TERT: variants seen among roughly 807,000 people sequenced by gnomAD.
The protein encoded by TERT is telomerase catalytic subunit.
A neutral mutation model predicts 104.0 loss-of-function variants in TERT; 42 were observed. That is an observed-to-expected ratio of 0.40 (90% CI 0.32 to 0.52). The LOEUF is 0.52. Ranked by LOEUF, TERT falls within the 20% of genes least tolerant of loss-of-function variation. The pLI, the probability that TERT is intolerant of heterozygous loss-of-function variation, is 0.43. For missense variants in TERT, 1,101 were observed against 1,610.3 expected, an observed-to-expected ratio of 0.68 and a Z score of 5.41; for synonymous variants, 781 against 725.6, an observed-to-expected ratio of 1.08 and a Z score of -1.23.
At chr5:1,281,564 C>T (rs1240905801) in intron 3 of TERT, among the ~76,000 whole-genome samples, 1 of 152,236 alleles carries the variant, frequency 6.6e-6, no homozygotes, top group African/African-American at 2.4e-5. Context: ...TGATGCAAAT[C>T]CAGCTTGAAT....
Position 1,295,067 on chromosome 5 carries a change from A to T in TERT, c.-78T>A. 8.7e-6 allele frequency: 5 copies of T among 575,384 alleles called. No homozygotes were observed. Among genetic ancestry groups the T allele is most frequent in the Non-Finnish European group, 1.1e-5 (5 of 468,542 alleles). The allele number at this position is 575,384 out of a possible 1,614,324, so 35.6% of individuals were successfully genotyped here. A position where few individuals can be genotyped will look rare whatever the true frequency, so the allele number is the denominator to read the frequency against. On this transcript the variant is annotated 5_prime_UTR_variant, in exon 1 of 16. Coordinates refer to ENST00000310581, the MANE Select transcript of TERT (RefSeq NM_198253.3). ...TGCCTGAAACTCGCGCCGCGAGGAGAGGGCGGGGCCGCGGAAAGGAAGGGG... is the reference window on the plus strand; with the variant it reads ...TGCCTGAAACTCGCGCCGCGAGGAGTGGGCGGGGCCGCGGAAAGGAAGGGG...
intron 3 of TERT, 77 bp from the exon 4 acceptor site, chr5:1,280,415 C>A: frequency 6.6e-7 from 1 of 1,513,090 alleles, no homozygotes; most frequent in Non-Finnish European, 9.0e-7. Context: ...AGCCACAAGC[C>A]CCCACCGACT....
At position 1,294,089 on chromosome 5, in the gene TERT, C is replaced by T; in HGVS notation, c.797G>A (p.Ser266Asn). The T allele has an allele frequency of 1.3e-6, 2 of 1,590,584 alleles. No homozygotes were observed. The highest frequency in any genetic ancestry group is 8.5e-7 in the Non-Finnish European group (1 of 1,170,956). ...WAHPGRTRGPSDRGFCVVSPA... is the reference protein window; with the variant it reads ...WAHPGRTRGPNDRGFCVVSPA... ...TGACACCACACAGAAACCACGGTCA[C>T]TCGGTCCACGCGTCCTGCCCGGGTG... Residue 266 changes from serine (S) to asparagine (N), a missense_variant, in exon 2 of 16, where the codon AGT (serine) becomes AAT (asparagine). By Grantham distance (46) the Ser-to-Asn change is conservative. Around this residue, in one of 5 missense-constraint regions of TERT, gnomAD observed 504 missense variants for 544.6 expected, o/e 0.93. Transcript: ENST00000310581.
chr5:1,268,473 G>A lies in TERT; in HGVS notation c.2582+47C>T, dbSNP rs1748774691. 6.8e-7 allele frequency: 1 copy of A among 1,466,658 alleles called. No homozygotes were observed. Among genetic ancestry groups the A allele is most frequent in the Non-Finnish European group, 9.5e-7 (1 of 1,051,776 alleles). 90.9% of individuals were successfully genotyped at this position (1,466,658 alleles called of 1,614,324 possible). The stretch of plus-strand genomic sequence containing the variant: ...AATATTAACACTGAATGCATCAAAA[G>A]CAAATCAACCCCCACCCAAGCCCCC... On this transcript the variant is annotated intron_variant, in intron 9 of 15. Coordinates refer to ENST00000310581, the MANE Select transcript of TERT (RefSeq NM_198253.3). The surrounding 1 kb of genome is among the most constrained non-coding windows in gnomAD (Gnocchi z 5.5).
chr5:1,263,658 G>A lies in TERT; in HGVS notation c.2843+746C>T, dbSNP rs1252518534. 4.6e-5 allele frequency among the ~76,000 whole-genome samples: 7 copies of A among 152,134 alleles called. No homozygotes were observed. The highest frequency in any genetic ancestry group is 3.9e-4 in the East Asian group (2 of 5,190). ...TGGCCTCAAGTGATCCACCCACCTC[G>A]GCCTCCCAAAGTGCTGGGATTATAG... On this transcript the variant is annotated intron_variant, in intron 11 of 15. Coordinates refer to ENST00000310581, the MANE Select transcript of TERT (RefSeq NM_198253.3). This position sits in a 1 kb window ranked among gnomAD's most constrained non-coding sequence, Gnocchi z 5.3.
rs1748234485 is a variant in TERT, at chr5:1,261,638, T to A, written c.2844-1038A>T. ...CACGTGCGTTTCTTTGAGGGATGGG[T>A]CTCGCTGTCAGTTTCACATGCATTT... On this transcript the variant is annotated intron_variant, in intron 11 of 15. Transcript: ENST00000310581. The surrounding 1 kb of genome is among the most constrained non-coding windows in gnomAD (Gnocchi z 7.4). 6.6e-6 allele frequency among the ~76,000 whole-genome samples: 1 copy of A among 152,164 alleles called. No homozygotes were observed. Among genetic ancestry groups the A allele is most frequent in the Non-Finnish European group, 1.5e-5 (1 of 68,022 alleles).
chr5:1,291,987 AGG>A (rs916623618), intron 2 of TERT, among the ~76,000 whole-genome samples: 1 of 152,224 alleles, frequency 6.6e-6, no homozygotes, highest in African/African-American at 2.4e-5. Context: ...TTCGATGGGT[AGG>A]GACTTCCAGT....
intron 2 of TERT, among the ~76,000 whole-genome samples, chr5:1,285,639 G>A (rs947963801): frequency 1.1e-4 from 14 of 132,034 alleles, no homozygotes; most frequent in East Asian, 7.5e-4. Context: ...GTGCAATGTC[G>A]GCTCACTGCA....
rs371655785 is a variant in TERT, at chr5:1,260,948, G to A, written c.2844-348C>T. Among the ~76,000 whole-genome samples, 114 of 152,310 alleles carry A rather than the reference G, an allele frequency of 7.5e-4. No individual in the cohort carries two copies. The Middle Eastern group carries it at 0.017, about 23-fold the overall frequency. On this transcript the variant is annotated intron_variant, in intron 11 of 15. Transcript: ENST00000310581. ...GAGCCCTGGCTCCCGGGCGTCCCTC[G>A]AGTGAACACAGGTGTGACTCAGGTT... is the stretch of plus-strand genomic sequence containing the variant.
chr5:1,259,760 GA>G (rs1470109015), intron 12 of TERT, among the ~76,000 whole-genome samples: 6 of 140,934 alleles, frequency 4.3e-5, no homozygotes, highest in African/African-American at 1.1e-4. Flanking sequence ...GCCCACAGGA[GA>G]GGGGGAGTGG....
In TERT at chr5:1,264,386, C is replaced by A. The variant is rs1305170238; in HGVS notation, c.2843+18G>T. The stretch of plus-strand genomic sequence containing the variant: ...CCCCAGCCGGGCACAGGCTCCACTT[C>A]CGGCCAGGTGCGCTCACCTGGAGTA... On this transcript the variant is annotated intron_variant, in intron 11 of 15. Coordinates refer to ENST00000310581, the MANE Select transcript of TERT (RefSeq NM_198253.3). 1.2e-6 allele frequency: 2 copies of A among 1,604,744 alleles called. No homozygotes were observed. Among genetic ancestry groups the A allele is most frequent in the Non-Finnish European group, 1.7e-6 (2 of 1,176,918 alleles).
At chr5:1,293,104 G>A (rs749387186) in intron 2 of TERT, among the ~76,000 whole-genome samples, 1 of 152,248 alleles carries the variant, frequency 6.6e-6, no homozygotes, top group Non-Finnish European at 1.5e-5. Context: ...ATCAAAACGT[G>A]AAGGTGAACC....
intron 2 of TERT, among the ~76,000 whole-genome samples, chr5:1,284,533 A>T (rs1283623414): frequency 2.1e-5 from 3 of 145,100 alleles, no homozygotes; most frequent in Non-Finnish European, 4.5e-5. Flanking sequence ...CACCATCCAG[A>T]CACCGCACAT....
At chr5:1,259,849 G>C (rs558729821) in intron 12 of TERT, among the ~76,000 whole-genome samples, 1 of 138,456 alleles carries the variant, frequency 7.2e-6, no homozygotes, top group East Asian at 2.3e-4. Context: ...CCCACAGGAG[G>C]GGGGAGTGGA....
chr5:1,254,298 G>A (rs548761532), intron 15 of TERT, 70 bp downstream of exon 15: 21 of 1,606,042 alleles, frequency 1.3e-5, no homozygotes, highest in Middle Eastern at 1.7e-4. Flanking sequence ...GAGGCTGCTC[G>A]CCCCACACAG....
rs377118789 is a variant in TERT, at chr5:1,289,966, C to G, written c.1573+3347G>C. Reference sequence around the variant, plus strand: ...GCACGTGACAGGGACACCCGGGGGCCGCGCCTCACTCACCCTGCACGTGAC... The same window carrying G: ...GCACGTGACAGGGACACCCGGGGGCGGCGCCTCACTCACCCTGCACGTGAC... On this transcript the variant is annotated intron_variant, in intron 2 of 15. Transcript: ENST00000310581. Among the ~76,000 whole-genome samples, 35 of 7,450 alleles carry G rather than the reference C, an allele frequency of 4.7e-3. 1 individual carries two copies. The highest frequency in any genetic ancestry group is 0.013 in the South Asian group (2 of 156). 4.9% of individuals were successfully genotyped at this position (7,450 alleles called of 152,430 possible).
intron 3 of TERT, 72 bp downstream of exon 3, chr5:1,282,357 C>T: frequency 6.6e-7 from 1 of 1,519,996 alleles, no homozygotes; most frequent in Non-Finnish European, 9.1e-7. Flanking sequence ...CAAGTGGAGA[C>T]AGGCGCATGC....
rs376060959 is a variant in TERT at position 1,255,801 on chromosome 5, C to T, written c.3033-390G>A. ...CAGCAGGTACTTATCATGAATCCTG[C>T]CCTTCGTCAGACAACCTTGATGTCA... On this transcript the variant is annotated intron_variant, in intron 13 of 15. Transcript: ENST00000310581. This position sits in a 1 kb window ranked among gnomAD's most constrained non-coding sequence, Gnocchi z 6.9. Among the ~76,000 whole-genome samples the T allele has an allele frequency of 6.6e-6, 1 of 152,134 alleles. No individual in the cohort carries two copies. The highest frequency in any genetic ancestry group is 1.9e-4 in the East Asian group (1 of 5,188).
At position 1,278,692 on chromosome 5, in the gene TERT, G is replaced by A. The variant is rs777869512; in HGVS notation, c.2235C>T (p.Ala745=). 22 of 1,614,054 alleles carry A rather than the reference G, an allele frequency of 1.4e-5. No homozygotes were observed. Among genetic ancestry groups the A allele is most frequent in the Admixed American group, 8.3e-5 (5 of 60,012 alleles). The part of the protein sequence containing the change: ...PQNTYCVRRY[A]VVQKAAHGHV... ...GCCCATGGGCGGCCTTCTGGACCAC[G>A]GCATACCGACGCACGCAGTACGTGT... The change falls in exon 6 of 16, where the codon GCC becomes GCT. Residue 745 remains alanine (A), a synonymous_variant. Transcript: ENST00000310581.
Sources: allele counts gnomAD v4.1 joint callset (sites outside exome capture counted in the v4.1 genomes callset), GRCh38; gene constraint gnomAD v4.1.1; regional missense constraint gnomAD v4.1.1; non-coding constraint Gnocchi (gnomAD v3.1); transcripts MANE v1.5; gene names NCBI Gene and HGNC (gene_info 2026-07-23, HGNC 2026-07-21).